Variants in ABCC3 observed in about 807,000 individuals in gnomAD.
ABCC3 encodes ATP-binding cassette sub-family C member 3.
In ABCC3, 121 loss-of-function variants were observed where a neutral mutation model predicts 165.3. The ratio of observed to expected loss-of-function variants is 0.73; its 90% CI spans 0.63 to 0.85. ABCC3 has a LOEUF of 0.85. Ranked by LOEUF, ABCC3 falls within the 40% of genes least tolerant of loss-of-function variation. ABCC3 has a pLI of 0.00. For synonymous variants in ABCC3, 733 were observed against 810.1 expected, an observed-to-expected ratio of 0.90 and a Z score of 1.62; for missense variants, 1,869 against 1,964.1, an observed-to-expected ratio of 0.95 and a Z score of 0.92.
intron 10 of ABCC3, chr17:50,664,400 G>A: frequency 2.4e-6 from 1 of 416,564 alleles, no homozygotes; most frequent in Non-Finnish European, 4.4e-6. Flanking sequence ...TAGCAGAGGG[G>A]ATATAGAATT....
At position 50,656,842 on chromosome 17, in the gene ABCC3, C is replaced by T; in HGVS notation, c.348+15C>T. Reference sequence around the variant, plus strand: ...GGGTCACCATGGTCAGTGTGGGGCCCTGGGAAAGTGGATGGGGGAGGTCTC... The same window carrying T: ...GGGTCACCATGGTCAGTGTGGGGCCTTGGGAAAGTGGATGGGGGAGGTCTC... On this transcript the variant is annotated intron_variant, in intron 3 of 30. Transcript: ENST00000285238. 1 of 1,593,992 alleles carries T rather than the reference C, an allele frequency of 6.3e-7. No individual in the cohort carries two copies. Among genetic ancestry groups the T allele is most frequent in the South Asian group, 1.1e-5 (1 of 87,638 alleles).
chr17:50,676,069 G>C lies in ABCC3; in HGVS notation c.3046G>C (p.Ala1016Pro). ...NNTSLRLGVY[A>P]ALGILQGFLV... ...CACTTCCCTGAGGCTGGGCGTCTATGCTGCTTTAGGAATTCTGCAAGGTGA... is the reference window on the plus strand; with the variant it reads ...CACTTCCCTGAGGCTGGGCGTCTATCCTGCTTTAGGAATTCTGCAAGGTGA... The change falls in exon 22 of 31, where the codon GCT (alanine) becomes CCT (proline). Residue 1016 changes from alanine to proline, a missense_variant. Transcript: ENST00000285238. The C allele has an allele frequency of 3.7e-6, 6 of 1,614,180 alleles. No homozygotes were observed. The highest frequency in any genetic ancestry group is 5.1e-6 in the Non-Finnish European group (6 of 1,180,030).
intron 1 of ABCC3, among the ~76,000 whole-genome samples, chr17:50,639,436 C>T (rs773548185): frequency 6.6e-6 from 1 of 152,188 alleles, no homozygotes; most frequent in Admixed American, 6.5e-5. Context: ...TTTGCCAAGC[C>T]CGCCTGTAGT....
At chr17:50,635,018 C>T in intron 1 of ABCC3, 37 bp downstream of exon 1, 1 of 1,256,614 alleles carries the variant, frequency 8.0e-7, no homozygotes. Flanking sequence ...GCGCGGGGGC[C>T]AGGGTCGGCC....
In ABCC3 at chr17:50,691,436, C is replaced by T. The variant is rs555929618; in HGVS notation, c.*236C>T. On this transcript the variant is annotated 3_prime_UTR_variant, in exon 31 of 31. Coordinates refer to ENST00000285238, the MANE Select transcript of ABCC3 (RefSeq NM_003786.4). ...AGTTTGAGCCAGTTAGACTAGTCCC[C>T]GGTCTCCCGATTCCCAACTGAGTGT... 14 of 449,012 alleles carry T rather than the reference C, an allele frequency of 3.1e-5. No individual in the cohort carries two copies. The highest frequency in any genetic ancestry group is 2.2e-4 in the African/African-American group (11 of 50,924). The allele number at this position is 449,012 out of a possible 1,614,324, so 27.8% of individuals were successfully genotyped here. A position where few individuals can be genotyped will look rare whatever the true frequency, so the allele number is the denominator to read the frequency against.
intron 1 of ABCC3, among the ~76,000 whole-genome samples, chr17:50,645,299 G>A (rs1966982800): frequency 6.8e-6 from 1 of 146,980 alleles, no homozygotes; most frequent in African/African-American, 2.5e-5. Flanking sequence ...ACTTGAACAC[G>A]GGAGGCAGAG....
chr17:50,690,047 G>A (rs1376862537), intron 30 of ABCC3, among the ~76,000 whole-genome samples: 1 of 152,220 alleles, frequency 6.6e-6, no homozygotes, highest in South Asian at 2.1e-4. Context: ...CTGTAAGGAA[G>A]GGATGCACCA....
intron 23 of ABCC3, among the ~76,000 whole-genome samples, chr17:50,676,876 T>C (rs1331756788): frequency 7.5e-5 from 3 of 40,042 alleles, no homozygotes; most frequent in African/African-American, 3.0e-4. Flanking sequence ...TCCTGTTGGC[T>C]TTTTTTTTTT....
intron 1 of ABCC3, among the ~76,000 whole-genome samples, chr17:50,642,814 G>T (rs961238636): frequency 6.6e-6 from 1 of 152,150 alleles, no homozygotes; most frequent in African/African-American, 2.4e-5. Context: ...ATGTCCCCAC[G>T]CCTGGGCTCC....
rs143287324 is a variant in ABCC3 at position 50,663,810 on chromosome 17, G to C, written c.1128G>C (p.Val376=). ...ILQHYYHYIF[V]TGVKFRTGIM... is the part of the protein sequence containing the mutation. The stretch of plus-strand genomic sequence containing the variant: ...AACACTATTACCACTACATCTTTGT[G>C]ACTGGGGTGAAGTTTCGTACTGGGA... The change falls in exon 9 of 31, where the codon GTG becomes GTC. Residue 376 remains valine, a synonymous_variant. Coordinates refer to ENST00000285238, the MANE Select transcript of ABCC3 (RefSeq NM_003786.4). 3.3e-5 allele frequency: 54 copies of C among 1,614,066 alleles called. No individual in the cohort carries two copies. The highest frequency in any genetic ancestry group is 1.0e-4 in the Admixed American group (6 of 60,006).
At position 50,661,102 on chromosome 17, in the gene ABCC3, C is replaced by T; in HGVS notation, c.986C>T (p.Pro329Leu). ...CAGGACCTGCTCTCCTTCATCAATC[C>T]ACAGCTGCTCAGGTCTCTCCACACT... ...LIQDLLSFIN[P>L]QLLSILIRFI... Residue 329 changes from proline (P) to leucine (L), a missense_variant, in exon 8 of 31, where the codon CCA becomes CTA. Physicochemically the swap from Pro to Leu is moderately conservative, Grantham distance 98. Transcript: ENST00000285238. 6.2e-7 allele frequency: 1 copy of T among 1,612,842 alleles called. No individual in the cohort carries two copies. The highest frequency in any genetic ancestry group is 8.5e-7 in the Non-Finnish European group (1 of 1,179,182).
chr17:50,684,122 T>C lies in ABCC3; in HGVS notation c.4113+15T>C. On this transcript the variant is annotated intron_variant, in intron 28 of 30. Coordinates refer to ENST00000285238, the MANE Select transcript of ABCC3 (RefSeq NM_003786.4). ...TCATCCCGCAGGTAGGAGCCTGGCA[T>C]GGGCTGGCCACACTCACCAACGGCC... 2 of 1,611,114 alleles carry C rather than the reference T, an allele frequency of 1.2e-6. No individual in the cohort carries two copies. Among genetic ancestry groups the C allele is most frequent in the Non-Finnish European group, 8.5e-7 (1 of 1,179,114 alleles).
intron 1 of ABCC3, among the ~76,000 whole-genome samples, chr17:50,653,792 A>G (rs910006685): frequency 2.6e-5 from 4 of 152,062 alleles, no homozygotes; most frequent in Non-Finnish European, 5.9e-5. Flanking sequence ...GTAAAGGCTC[A>G]AAGAACTCCA....
intron 13 of ABCC3, 136 bp from the exon 14 acceptor site, chr17:50,668,294 C>G: frequency 6.9e-6 from 5 of 729,384 alleles, no homozygotes; most frequent in Non-Finnish European, 1.1e-5. Context: ...AAGACTCAGT[C>G]GTGGGAGGGA....
chr17:50,678,112 G>A lies in ABCC3; in HGVS notation c.3598G>A (p.Glu1200Lys). 6.3e-7 allele frequency: 1 copy of A among 1,596,182 alleles called. No homozygotes were observed. Among genetic ancestry groups the A allele is most frequent in the East Asian group, 2.2e-5 (1 of 44,672 alleles). The change falls in exon 25 of 31, where the codon GAG (glutamate) becomes AAG (lysine). Residue 1200 changes from glutamate to lysine, a missense_variant. Coordinates refer to ENST00000285238, the MANE Select transcript of ABCC3 (RefSeq NM_003786.4). ...ISNRWLSIGV[E>K]FVGNCVVLFA... ...CCATAGGTGGCTGAGCATCGGAGTG[G>A]AGTTCGTGGGGAACTGCGTGGTGCT... is the stretch of plus-strand genomic sequence containing the variant.
chr17:50,672,609 C>T (rs776982399), intron 17 of ABCC3, among the ~76,000 whole-genome samples: 3 of 152,178 alleles, frequency 2.0e-5, no homozygotes, highest in East Asian at 3.8e-4. Flanking sequence ...CCTGTAATCC[C>T]AGCACTTTAC....
intron 1 of ABCC3, among the ~76,000 whole-genome samples, chr17:50,647,728 A>G (rs372146032): frequency 4.6e-5 from 7 of 152,322 alleles, no homozygotes; most frequent in African/African-American, 1.7e-4. Flanking sequence ...ATAAAGTCTG[A>G]AACGGGTCTA....
chr17:50,666,909 G>T (rs529075450), intron 11 of ABCC3, among the ~76,000 whole-genome samples: 1 of 152,228 alleles, frequency 6.6e-6, no homozygotes, highest in African/African-American at 2.4e-5. Context: ...AAAGGAAAGT[G>T]CAATGTGCTT....
At position 50,673,042 on chromosome 17, in the gene ABCC3, T is replaced by G. The variant is rs373386354; in HGVS notation, c.2313T>G (p.Ile771Met). The part of the protein sequence containing the change: ...LARAVYSDAD[I>M]FLLDDPLSAV... ...GAGCTGTTTACAGTGATGCCGATAT[T>G]TTCTTGCTGGATGACCCACTGTCCG... Residue 771 changes from isoleucine to methionine, a missense_variant, in exon 18 of 31, where the codon ATT becomes ATG. Transcript: ENST00000285238. 2.7e-5 allele frequency: 43 copies of G among 1,614,038 alleles called. No individual in the cohort carries two copies. In the Admixed American group the frequency reaches 7.2e-4, roughly 27 times the overall value.
Sources: gnomAD v4.1 joint callset for allele counts (sites outside exome capture counted in the v4.1 genomes callset) on GRCh38, gnomAD v4.1.1 for gene constraint, MANE v1.5 for transcripts, NCBI Gene and HGNC (gene_info 2026-07-23, HGNC 2026-07-21) for gene names.